The following THSD4 variants were observed in gnomAD, a reference collection of about 807,000 sequenced individuals.
THSD4 encodes the protein thrombospondin type-1 domain-containing protein 4.
Under a neutral mutation model 119.0 loss-of-function variants are expected in THSD4, and 69 were observed. The observed-to-expected ratio is 0.58, with a 90% CI of 0.48 to 0.71. THSD4 has a LOEUF of 0.71. Ranked by LOEUF, THSD4 falls within the 30% of genes least tolerant of loss-of-function variation. The pLI, the probability that THSD4 is intolerant of heterozygous loss-of-function variation, is 0.00. For missense variants in THSD4, 1,393 were observed against 1,391.1 expected (o/e 1.00, Z -0.02); for synonymous variants, 524 against 540.4 (o/e 0.97, Z 0.42).
chr15:71,295,795 T>G (rs1420259202), intron 6 of THSD4, among the ~76,000 whole-genome samples: 2 of 152,184 alleles, frequency 1.3e-5, no homozygotes, highest in East Asian at 1.9e-4. Context: ...ATTTTTATCA[T>G]GTCAGTAATA....
intron 7 of THSD4, among the ~76,000 whole-genome samples, chr15:71,445,108 C>T (rs866469159): frequency 1.4e-4 from 22 of 152,220 alleles, no homozygotes; most frequent in African/African-American, 5.3e-4. Context: ...AATACCTTTT[C>T]CTATCTGTAC....
At chr15:71,305,297 C>T (rs550624936) in intron 6 of THSD4, among the ~76,000 whole-genome samples, 51 of 144,046 alleles carry the variant, frequency 3.5e-4, no homozygotes, top group African/African-American at 9.2e-4. Flanking sequence ...GGACCCCCTG[C>T]GATCTACTCT....
At chr15:71,371,931 C>G (rs771628118) in intron 6 of THSD4, among the ~76,000 whole-genome samples, 3 of 152,184 alleles carry the variant, frequency 2.0e-5, no homozygotes, top group Non-Finnish European at 4.4e-5. Context: ...AGATGTATAT[C>G]TGGTCTTTTC....
intron 5 of THSD4, among the ~76,000 whole-genome samples, chr15:71,245,362 G>A (rs1038117036): frequency 5.3e-5 from 8 of 152,050 alleles, no homozygotes; most frequent in African/African-American, 1.7e-4. Context: ...GTCTTCTTGT[G>A]ACTTGGGCCA....
chr15:71,780,998 TGAG>T lies in THSD4; in HGVS notation c.*3630_*3632del, dbSNP rs943463290. On this transcript the variant is annotated 3_prime_UTR_variant, in exon 18 of 18. Coordinates refer to ENST00000261862, the MANE Select transcript of THSD4 (RefSeq NM_024817.3). ...TTTATAGTTGGAATATCAATTCTAA[TGAG>T]GAGGAAGACATAAATATAAGTGGTA... 1 of 343,054 alleles carries T rather than the reference TGAG, an allele frequency of 2.9e-6. No individual in the cohort carries two copies. The highest frequency in any genetic ancestry group is 5.8e-6 in the Non-Finnish European group (1 of 173,664). 21.3% of individuals were successfully genotyped at this position (343,054 alleles called of 1,614,324 possible).
chr15:71,187,426 T>A (rs2043619636), intron 3 of THSD4: 2 of 152,652 alleles, frequency 1.3e-5, no homozygotes, highest in Non-Finnish European at 2.9e-5. Context: ...CTGATTGACT[T>A]GTCCATTGTC....
chr15:71,606,328 T>A (rs1218064874), intron 7 of THSD4, among the ~76,000 whole-genome samples: 2 of 152,190 alleles, frequency 1.3e-5, no homozygotes, highest in African/African-American at 4.8e-5. Context: ...TAAGTTGTAT[T>A]ATTTTCTGTT....
intron 6 of THSD4, among the ~76,000 whole-genome samples, chr15:71,377,914 A>ACACACCCACACACCT (rs57687864): frequency 7.7e-4 from 112 of 146,256 alleles, no homozygotes; most frequent in East Asian, 1.6e-3. Context: ...ACACACACAC[A>ACACACCCACACACCT]ATTTCCTTCA....
At chr15:71,394,266 CTT>C (rs58372446) in intron 6 of THSD4, among the ~76,000 whole-genome samples, 8,373 of 89,364 alleles carry the variant, frequency 0.094, 244 homozygotes, top group African/African-American at 0.22. Flanking sequence ...ACACATTTGT[CTT>C]TTTTTTTTTT....
chr15:71,400,452 A>G (rs1264753831), intron 6 of THSD4, among the ~76,000 whole-genome samples: 3 of 152,164 alleles, frequency 2.0e-5, no homozygotes, highest in Non-Finnish European at 4.4e-5. Context: ...GGGGGAAAGC[A>G]TTTTAAATAG....
At chr15:71,618,745 T>A (rs999028980) in intron 7 of THSD4, among the ~76,000 whole-genome samples, 1 of 151,930 alleles carries the variant, frequency 6.6e-6, no homozygotes, top group South Asian at 2.1e-4. Flanking sequence ...GGCTGACTTT[T>A]AAAAAAATTA....
chr15:71,374,358 G>A (rs1360456744), intron 6 of THSD4, among the ~76,000 whole-genome samples: 2 of 152,304 alleles, frequency 1.3e-5, no homozygotes, highest in Non-Finnish European at 2.9e-5. Flanking sequence ...ATCTTCTGGG[G>A]AGACAGAGCT....
Position 71,678,524 on chromosome 15 carries a change from C to T in THSD4, c.1357+17790C>T, listed in dbSNP as rs2051698430. 5.9e-5 allele frequency among the ~76,000 whole-genome samples: 9 copies of T among 152,300 alleles called. No homozygotes were observed. In the South Asian group the frequency reaches 1.9e-3, roughly 32 times the overall value. ...CCATGGAAGAAGTTGAGCACCCTTT[C>T]CCCTTTTTTATTAAGCAGAACTCTA... On this transcript the variant is annotated intron_variant, in intron 8 of 17. Coordinates refer to ENST00000261862, the MANE Select transcript of THSD4 (RefSeq NM_024817.3).
chr15:71,295,784 C>G (rs992140872), intron 6 of THSD4, among the ~76,000 whole-genome samples: 12 of 152,238 alleles, frequency 7.9e-5, no homozygotes, highest in African/African-American at 2.4e-4. Context: ...AGTATTAGAA[C>G]ATTTTTATCA....
At chr15:71,388,509 GC>G (rs1354118064) in intron 6 of THSD4, among the ~76,000 whole-genome samples, 1 of 152,112 alleles carries the variant, frequency 6.6e-6, no homozygotes, top group Non-Finnish European at 1.5e-5. Flanking sequence ...CTTCCTGTAT[GC>G]CCAGCTTTAG....
Position 71,745,036 on chromosome 15 carries a change from T to C in THSD4, c.1907-70T>C, listed in dbSNP as rs1567132128. 3.9e-6 allele frequency: 6 copies of C among 1,548,778 alleles called. No homozygotes were observed. The East Asian group carries it at 1.1e-4, about 29-fold the overall frequency. ...CTCTTCATCAGCACCCGAATCTCTG[T>C]GCATCTCCACCCATAGCCCAGCTTT... On this transcript the variant is annotated intron_variant, in intron 11 of 17. Coordinates refer to ENST00000261862, the MANE Select transcript of THSD4 (RefSeq NM_024817.3).
intron 7 of THSD4, among the ~76,000 whole-genome samples, chr15:71,531,259 G>C (rs1009818108): frequency 2.0e-5 from 3 of 152,100 alleles, no homozygotes; most frequent in African/African-American, 7.2e-5. Flanking sequence ...CATCCTACAG[G>C]CAATAGGAAA....
chr15:71,295,096 G>C (rs1253153173), intron 6 of THSD4, among the ~76,000 whole-genome samples: 1 of 152,118 alleles, frequency 6.6e-6, no homozygotes, highest in Non-Finnish European at 1.5e-5. Flanking sequence ...GTAGCCTTAA[G>C]ATAAACAGAT....
intron 6 of THSD4, among the ~76,000 whole-genome samples, chr15:71,322,275 C>T (rs1228776533): frequency 3.3e-5 from 5 of 151,884 alleles, no homozygotes; most frequent in African/African-American, 9.7e-5. Flanking sequence ...AGACTGTAGG[C>T]GGGCCACCTA....
Sources: gnomAD v4.1 joint callset for allele counts (sites outside exome capture counted in the v4.1 genomes callset) on GRCh38, gnomAD v4.1.1 for gene constraint, MANE v1.5 for transcripts, NCBI Gene and HGNC (gene_info 2026-07-23, HGNC 2026-07-21) for gene names.